TPCN1: variants seen among roughly 807,000 people sequenced by gnomAD.
TPCN1 encodes two pore channel protein 1.
A neutral mutation model predicts 108.8 loss-of-function variants in TPCN1; 52 were observed. The observed-to-expected ratio is 0.48, with a 90% CI of 0.38 to 0.60. The LOEUF (loss-of-function observed/expected upper bound fraction) is 0.60, where lower values mean the gene tolerates loss of function less well. Among genes scored for constraint, TPCN1 ranks in the 20% least tolerant of loss-of-function variants. The pLI, the probability that TPCN1 is intolerant of heterozygous loss-of-function variation, is 0.00. For missense variants in TPCN1, 806 were observed against 1,072.8 expected, an observed-to-expected ratio of 0.75 and a Z score of 3.47; for synonymous variants, 446 against 433.7, an observed-to-expected ratio of 1.03 and a Z score of -0.35.
rs1405394693 is a variant in TPCN1, at chr12:113,232,025, C to T, written c.112+5061C>T. On this transcript the variant is annotated intron_variant, in intron 2 of 27. Transcript: ENST00000335509. This position sits in a 1 kb window ranked among gnomAD's most constrained non-coding sequence, Gnocchi z 5.6. ...CACACTCAGCTCTGCCTTCTCCCTG[C>T]CTTTAAAGCCAGCTGCTGCCTAAGA... Among the ~76,000 whole-genome samples, 1 of 152,200 alleles carries T rather than the reference C, an allele frequency of 6.6e-6. No individual in the cohort carries two copies. The highest frequency in any genetic ancestry group is 2.4e-5 in the African/African-American group (1 of 41,436).
At position 113,288,389 on chromosome 12, in the gene TPCN1, C is replaced by T; in HGVS notation, c.1706+155C>T. ...TCCAAGGAGCCTGGAATCTTGACCACCACAGGTCTCCTGGGCACCATTTTT... is the reference window on the plus strand; with the variant it reads ...TCCAAGGAGCCTGGAATCTTGACCATCACAGGTCTCCTGGGCACCATTTTT... On this transcript the variant is annotated intron_variant, in intron 20 of 27. Transcript: ENST00000335509. The surrounding 1 kb of genome is among the most constrained non-coding windows in gnomAD (Gnocchi z 4.8). 1.3e-6 allele frequency: 2 copies of T among 1,495,486 alleles called. No individual in the cohort carries two copies. The highest frequency in any genetic ancestry group is 1.8e-6 in the Non-Finnish European group (2 of 1,123,974). 92.6% of individuals were successfully genotyped at this position (1,495,486 alleles called of 1,614,324 possible). A position where few individuals can be genotyped will look rare whatever the true frequency, so the allele number is the denominator to read the frequency against.
At chr12:113,287,256 C>T (rs960673888) in intron 19 of TPCN1, 162 bp downstream of exon 19, 2 of 627,736 alleles carry the variant, frequency 3.2e-6, no homozygotes, top group Non-Finnish European at 5.6e-6. Flanking sequence ...ATCCCCACCC[C>T]TGAGGGTGTG....
chr12:113,234,348 T>G (rs1181687510), intron 2 of TPCN1, among the ~76,000 whole-genome samples: 1 of 152,130 alleles, frequency 6.6e-6, no homozygotes, highest in Non-Finnish European at 1.5e-5. Context: ...GGAGCCAAGA[T>G]TTGGGCCTGG....
intron 2 of TPCN1, among the ~76,000 whole-genome samples, chr12:113,243,794 T>A (rs73192820): frequency 0.11 from 16,487 of 152,042 alleles, 1,048 homozygotes; most frequent in East Asian, 0.21. Context: ...ATAAAAAAAG[T>A]TTAGAAAGGT....
intron 1 of TPCN1, among the ~76,000 whole-genome samples, chr12:113,223,589 G>A (rs892744352): frequency 1.3e-5 from 2 of 152,158 alleles, no homozygotes; most frequent in African/African-American, 4.8e-5. Flanking sequence ...TGTCGCCCAG[G>A]CTGGAGTGTA....
At chr12:113,276,323 T>G (rs1955672121) in intron 10 of TPCN1, among the ~76,000 whole-genome samples, 1 of 152,226 alleles carries the variant, frequency 6.6e-6, no homozygotes, top group South Asian at 2.1e-4. Context: ...TCCCCGGCCT[T>G]CCATCCCCCT....
intron 2 of TPCN1, among the ~76,000 whole-genome samples, chr12:113,247,043 A>G (rs931488627): frequency 9.2e-5 from 14 of 152,306 alleles, no homozygotes; most frequent in Admixed American, 6.5e-4. Context: ...CCAGGCCACT[A>G]GAGCAGGTGG....
intron 15 of TPCN1, among the ~76,000 whole-genome samples, chr12:113,280,698 A>T (rs558267997): frequency 6.6e-6 from 1 of 152,262 alleles, no homozygotes; most frequent in African/African-American, 2.4e-5. Flanking sequence ...AATAGCCACA[A>T]ATGGCTAATG....
chr12:113,286,184 T>C (rs552957883), intron 18 of TPCN1, among the ~76,000 whole-genome samples: 2 of 152,312 alleles, frequency 1.3e-5, no homozygotes, highest in African/African-American at 4.8e-5. Flanking sequence ...ACCGTCCTTC[T>C]GGAAACGGCC....
intron 2 of TPCN1, among the ~76,000 whole-genome samples, chr12:113,257,823 G>A (rs1954880702): frequency 6.6e-6 from 1 of 152,092 alleles, no homozygotes; most frequent in Non-Finnish European, 1.5e-5. Flanking sequence ...GAAACAGAAT[G>A]AACTGTTGGT....
intron 3 of TPCN1, among the ~76,000 whole-genome samples, chr12:113,264,804 T>G (rs1955187908): frequency 6.6e-6 from 1 of 152,206 alleles, no homozygotes; most frequent in Admixed American, 6.5e-5. Context: ...CTGAATTAAG[T>G]AAATGTATAG....
chr12:113,288,182 C>T lies in TPCN1; in HGVS notation c.1654C>T (p.Arg552Cys), dbSNP rs573134167. 63 of 1,613,522 alleles carry T rather than the reference C, an allele frequency of 3.9e-5. No homozygotes were observed. Among genetic ancestry groups the T allele is most frequent in the East Asian group, 6.7e-5 (3 of 44,886 alleles). The part of the protein sequence containing the change: ...QLLRLFKLKE[R>C]YRNVLDTMFE... ...GCTCAGGTTGTTTAAGTTGAAGGAG[C>T]GCTACCGCAACGTGCTGGACACCAT... Residue 552 changes from arginine to cysteine, a missense_variant, in exon 20 of 28, where the codon CGC becomes TGC. By Grantham distance (180) the Arg-to-Cys change is radical (BLOSUM62 -3). Coordinates refer to ENST00000335509, the MANE Select transcript of TPCN1 (RefSeq NM_017901.6). The surrounding 1 kb of genome is among the most constrained non-coding windows in gnomAD (Gnocchi z 4.8).
Position 113,284,668 on chromosome 12 carries a change from T to C in TPCN1, c.1399+31T>C, listed in dbSNP as rs1956005798. ...CCCCGCTCAGGGACTGGCCGTGTCC[T>C]GGCCGGCACACCTGGCTTACCTGTG... On this transcript the variant is annotated intron_variant, in intron 16 of 27. Transcript: ENST00000335509. This position sits in a 1 kb window ranked among gnomAD's most constrained non-coding sequence, Gnocchi z 4.1. 4 of 1,614,244 alleles carry C rather than the reference T, an allele frequency of 2.5e-6. No individual in the cohort carries two copies. In the East Asian group the frequency reaches 8.9e-5, roughly 36 times the overall value.
rs1390044772 is a variant in TPCN1 at position 113,288,157 on chromosome 12, G to A, written c.1635-6G>A. ...TGTGGAGGTGACGGGTGTCCTCCTC[G>A]CTCAGGTTGTTTAAGTTGAAGGAGC... On this transcript the variant is annotated splice_polypyrimidine_tract_variant and splice_region_variant and intron_variant, in intron 19 of 27. Transcript: ENST00000335509. This position sits in a 1 kb window ranked among gnomAD's most constrained non-coding sequence, Gnocchi z 4.8. The A allele has an allele frequency of 6.2e-6, 10 of 1,611,678 alleles. No individual in the cohort carries two copies. The highest frequency in any genetic ancestry group is 3.3e-5 in the Admixed American group (2 of 59,796).
Position 113,297,547 on chromosome 12 carries a change from A to G in TPCN1, c.*1471A>G, listed in dbSNP as rs370521804. On this transcript the variant is annotated 3_prime_UTR_variant, in exon 28 of 28. Coordinates refer to ENST00000335509, the MANE Select transcript of TPCN1 (RefSeq NM_017901.6). This position sits in a 1 kb window ranked among gnomAD's most constrained non-coding sequence, Gnocchi z 4.4. Reference sequence around the variant, plus strand: ...CCTGGTCCCCCACCCCCTCCTCCCAACCACCTCCAAGGCCAAGCTGGGTCC... The same window carrying G: ...CCTGGTCCCCCACCCCCTCCTCCCAGCCACCTCCAAGGCCAAGCTGGGTCC... 1.3e-5 allele frequency: 2 copies of G among 152,578 alleles called. No homozygotes were observed. Among genetic ancestry groups the G allele is most frequent in the African/African-American group, 2.4e-5 (1 of 41,388 alleles). 9.5% of individuals were successfully genotyped at this position (152,578 alleles called of 1,614,324 possible). A position where few individuals can be genotyped will look rare whatever the true frequency, so the allele number is the denominator to read the frequency against.
intron 3 of TPCN1, among the ~76,000 whole-genome samples, chr12:113,265,073 G>A (rs1467201524): frequency 9.2e-5 from 14 of 152,118 alleles, no homozygotes; most frequent in African/African-American, 2.9e-4. Flanking sequence ...TGATCCACCC[G>A]CCTCAGCCTC....
At chr12:113,230,275 C>T (rs564962888) in intron 2 of TPCN1, among the ~76,000 whole-genome samples, 4 of 149,324 alleles carry the variant, frequency 2.7e-5, no homozygotes, top group African/African-American at 9.7e-5. Context: ...GCCCTGAGAT[C>T]CATTCATCTT....
chr12:113,297,640 G>GTGTT lies in TPCN1; in HGVS notation c.*1570_*1573dup, dbSNP rs371985320. ...GTCAGGGGAGTTGGACAAGTAGCAG[G>GTGTT]TGTTTGTTTTTAAAGCACAGCCCTT... On this transcript the variant is annotated 3_prime_UTR_variant, in exon 28 of 28. Transcript: ENST00000335509. This position sits in a 1 kb window ranked among gnomAD's most constrained non-coding sequence, Gnocchi z 4.4. 7.2e-5 allele frequency: 11 copies of GTGTT among 152,760 alleles called. No individual in the cohort carries two copies. The East Asian group carries it at 2.1e-3, about 30-fold the overall frequency. 9.5% of individuals were successfully genotyped at this position (152,760 alleles called of 1,614,324 possible).
rs148365290 is a variant in TPCN1, at chr12:113,231,057, G to A, written c.112+4093G>A. Among the ~76,000 whole-genome samples the A allele has an allele frequency of 4.1e-3, 622 of 152,348 alleles. 5 individuals carry two copies. Among genetic ancestry groups the A allele is most frequent in the African/African-American group, 0.013 (536 of 41,572 alleles). ...GGCAGAATGCAGATGCAGGCCATCC[G>A]CGGAGTTGGCAACGACATGAGCATG... is the stretch of plus-strand genomic sequence containing the variant. On this transcript the variant is annotated intron_variant, in intron 2 of 27. Coordinates refer to ENST00000335509, the MANE Select transcript of TPCN1 (RefSeq NM_017901.6). This position sits in a 1 kb window ranked among gnomAD's most constrained non-coding sequence, Gnocchi z 4.3.
Sources: allele counts gnomAD v4.1 joint callset (sites outside exome capture counted in the v4.1 genomes callset), GRCh38; gene constraint gnomAD v4.1.1; non-coding constraint Gnocchi (gnomAD v3.1); transcripts MANE v1.5; gene names NCBI Gene and HGNC (gene_info 2026-07-23, HGNC 2026-07-21).